TOR1AIP1: variants seen among roughly 807,000 people sequenced by gnomAD.
TOR1AIP1 encodes torsin 1A interacting protein 1.
A neutral mutation model predicts 63.3 loss-of-function variants in TOR1AIP1; 54 were observed. That is an observed-to-expected ratio of 0.85 (90% CI 0.69 to 1.07). The LOEUF is 1.07. TOR1AIP1 is among the 50% of genes least tolerant of loss of function. The probability of loss-of-function intolerance (pLI) is 0.00; values close to 1 mark genes in which losing one functional copy is unlikely to be tolerated. For synonymous variants in TOR1AIP1, 294 were observed against 273.5 expected, an observed-to-expected ratio of 1.07 and a Z score of -0.74; for missense variants, 736 against 715.0, an observed-to-expected ratio of 1.03 and a Z score of -0.33.
Position 179,914,031 on chromosome 1 carries a change from A to C in TOR1AIP1, c.941A>C (p.Gln314Pro). 1 of 1,614,002 alleles carries C rather than the reference A, an allele frequency of 6.2e-7. No homozygotes were observed. The highest frequency in any genetic ancestry group is 1.1e-5 in the South Asian group (1 of 91,048). The change falls in exon 9 of 10, where the codon CAG (glutamine) becomes CCG (proline). Residue 314 changes from glutamine to proline, a missense_variant. Coordinates refer to ENST00000606911, the MANE Select transcript of TOR1AIP1 (RefSeq NM_015602.4). ...DSILKSELGN[Q>P]SPSTSSRQVT... ...ATTCTGAAATCAGAGCTTGGAAACC[A>C]GTCACCATCAACCTCCAGCCGACGT...
chr1:179,913,635 AAT>A lies in TOR1AIP1; in HGVS notation c.908-360_908-359del, dbSNP rs1322162731. 4.0e-5 allele frequency: 28 copies of A among 702,364 alleles called. No individual in the cohort carries two copies. The African/African-American group carries it at 4.5e-4, about 11-fold the overall frequency. 43.5% of individuals were successfully genotyped at this position (702,364 alleles called of 1,614,324 possible). A position where few individuals can be genotyped will look rare whatever the true frequency, so the allele number is the denominator to read the frequency against. On this transcript the variant is annotated intron_variant, in intron 8 of 9. Coordinates refer to ENST00000606911, the MANE Select transcript of TOR1AIP1 (RefSeq NM_015602.4). Reference sequence around the variant, plus strand: ...TATATGGCAGTTTTTCAGATGGTATAATATGTTTCATTTTATTATGGTGTGCT... The same window carrying A: ...TATATGGCAGTTTTTCAGATGGTATAATGTTTCATTTTATTATGGTGTGCT...
At chr1:179,903,167 G>A (rs1558043590) in intron 5 of TOR1AIP1, among the ~76,000 whole-genome samples, 1 of 151,802 alleles carries the variant, frequency 6.6e-6, no homozygotes, top group Non-Finnish European at 1.5e-5. Context: ...ATGGTGATAG[G>A]TACCTATAGT....
At chr1:179,891,197 A>G (rs1040402530) in intron 3 of TOR1AIP1, among the ~76,000 whole-genome samples, 6 of 151,980 alleles carry the variant, frequency 3.9e-5, no homozygotes, top group East Asian at 1.9e-4. Flanking sequence ...CAACTTACCA[A>G]TTAAGGTTTT....
At chr1:179,885,542 A>T (rs910431106) in intron 2 of TOR1AIP1, among the ~76,000 whole-genome samples, 3 of 152,174 alleles carry the variant, frequency 2.0e-5, no homozygotes, top group Non-Finnish European at 4.4e-5. Context: ...TTTTTTTGAT[A>T]TTAGGAAAGT....
rs1649089407 is a variant in TOR1AIP1 at position 179,918,281 on chromosome 1, T to C, written c.*42T>C. The stretch of plus-strand genomic sequence containing the variant: ...AAAATCATGTCCCAAGTTCTGAGAA[T>C]TGTTCACACTTTCTAACCAGAGACA... On this transcript the variant is annotated 3_prime_UTR_variant, in exon 10 of 10. Coordinates refer to ENST00000606911, the MANE Select transcript of TOR1AIP1 (RefSeq NM_015602.4). 6.6e-7 allele frequency: 1 copy of C among 1,522,094 alleles called. No individual in the cohort carries two copies. The allele number at this position is 1,522,094 out of a possible 1,614,324, so 94.3% of individuals were successfully genotyped here. A position where few individuals can be genotyped will look rare whatever the true frequency, so the allele number is the denominator to read the frequency against.
rs766088874 is a variant in TOR1AIP1 at position 179,882,996 on chromosome 1, A to G, written c.475+19A>G. On this transcript the variant is annotated intron_variant, in intron 1 of 9. Coordinates refer to ENST00000606911, the MANE Select transcript of TOR1AIP1 (RefSeq NM_015602.4). ...TCTGAAGGTGAGGACCGCGGAGGTAACAGTCCCAGCCGCGAGCCAGGGAAC... is the reference window on the plus strand; with the variant it reads ...TCTGAAGGTGAGGACCGCGGAGGTAGCAGTCCCAGCCGCGAGCCAGGGAAC... The G allele has an allele frequency of 1.3e-6, 2 of 1,595,318 alleles. No individual in the cohort carries two copies. Among genetic ancestry groups the G allele is most frequent in the South Asian group, 2.2e-5 (2 of 89,542 alleles).
Position 179,908,685 on chromosome 1 carries a change from A to C in TOR1AIP1, c.907+12A>C. On this transcript the variant is annotated intron_variant, in intron 8 of 9. Transcript: ENST00000606911. ...GACCAGGATGCAAAGTAAGTAGATA[A>C]ATCTCTGTTATTGAAATAATCTTGT... 6.2e-7 allele frequency: 1 copy of C among 1,604,944 alleles called. No individual in the cohort carries two copies. Among genetic ancestry groups the C allele is most frequent in the Non-Finnish European group, 8.5e-7 (1 of 1,172,974 alleles).
In TOR1AIP1 at chr1:179,882,446, G is replaced by C. The variant is rs1647730842; in HGVS notation, c.-57G>C. The C allele has an allele frequency of 1.5e-6, 2 of 1,343,932 alleles. No homozygotes were observed. Among genetic ancestry groups the C allele is most frequent in the Non-Finnish European group, 9.6e-7 (1 of 1,040,376 alleles). The allele number at this position is 1,343,932 out of a possible 1,614,324, so 83.3% of individuals were successfully genotyped here. A position where few individuals can be genotyped will look rare whatever the true frequency, so the allele number is the denominator to read the frequency against. On this transcript the variant is annotated 5_prime_UTR_variant, in exon 1 of 10. Coordinates refer to ENST00000606911, the MANE Select transcript of TOR1AIP1 (RefSeq NM_015602.4). The stretch of plus-strand genomic sequence containing the variant: ...GAGAAGCCATCGCCACCACCGGCAG[G>C]AGAACCTAGGGTCCATAAAGCCATC...
rs1558045740 is a variant in TOR1AIP1 at position 179,909,381 on chromosome 1, GTTT to G, written c.907+712_907+714del. Among the ~76,000 whole-genome samples, 6 of 106,148 alleles carry G rather than the reference GTTT, an allele frequency of 5.7e-5. No homozygotes were observed. In the East Asian group the frequency reaches 1.8e-3, roughly 31 times the overall value. The allele number at this position is 106,148 out of a possible 152,430, so 69.6% of individuals were successfully genotyped here. A position where few individuals can be genotyped will look rare whatever the true frequency, so the allele number is the denominator to read the frequency against. ...TTTTCATGTTTAGGGTTTTTTTTCT[GTTT>G]TTTGTTTTGTTTTGTTTTGTTTTGT... On this transcript the variant is annotated intron_variant, in intron 8 of 9. Coordinates refer to ENST00000606911, the MANE Select transcript of TOR1AIP1 (RefSeq NM_015602.4).
intron 5 of TOR1AIP1, among the ~76,000 whole-genome samples, chr1:179,903,285 G>A (rs1451615324): frequency 6.6e-6 from 1 of 151,552 alleles, no homozygotes; most frequent in African/African-American, 2.4e-5. Flanking sequence ...AAGAAAGAAA[G>A]AAAAAGAGTA....
intron 3 of TOR1AIP1, 118 bp from the exon 4 acceptor site, chr1:179,900,008 C>T (rs1200396403): frequency 1.2e-5 from 8 of 690,098 alleles, no homozygotes; most frequent in African/African-American, 3.7e-5. Context: ...TTTTCCTAAA[C>T]GAGATGCTCT....
chr1:179,914,546 A>G (rs780138850), intron 9 of TOR1AIP1, among the ~76,000 whole-genome samples: 2 of 152,248 alleles, frequency 1.3e-5, no homozygotes, highest in African/African-American at 2.4e-5. Flanking sequence ...CTGTAATCTC[A>G]GCACTTTGGG....
In TOR1AIP1 at chr1:179,918,117, A is replaced by C. The variant is rs1321182764; in HGVS notation, c.1630A>C (p.Asn544His). The change falls in exon 10 of 10, where the codon AAC becomes CAC. Residue 544 changes from asparagine to histidine, a missense_variant. By Grantham distance (68) the Asn-to-His change is moderately conservative. This residue lies in a region of TOR1AIP1 where 272 missense variants were observed against 344.1 expected (regional missense o/e 0.79). Transcript: ENST00000606911. Reference sequence around the variant, plus strand: ...TCTTAAAGTCAAGTTCACCAATTCTAACACACCCAACTCCTACAATCATAT... The same window carrying C: ...TCTTAAAGTCAAGTTCACCAATTCTCACACACCCAACTCCTACAATCATAT... ...DFLKVKFTNSNTPNSYNHMDP... is the reference protein window; with the variant it reads ...DFLKVKFTNSHTPNSYNHMDP... 1 of 1,614,084 alleles carries C rather than the reference A, an allele frequency of 6.2e-7. No individual in the cohort carries two copies. The highest frequency in any genetic ancestry group is 1.7e-5 in the Admixed American group (1 of 60,028).
chr1:179,916,833 A>G (rs994414875), intron 9 of TOR1AIP1, among the ~76,000 whole-genome samples: 1 of 149,826 alleles, frequency 6.7e-6, no homozygotes, highest in African/African-American at 2.5e-5. Context: ...CCTCCCAAGT[A>G]GCTGGACTAC....
chr1:179,885,385 T>C lies in TOR1AIP1; in HGVS notation c.553+616T>C, dbSNP rs191631394. ...GATGTTAAAGTGTTTAAAAAAATTG[T>C]CAGAATCAATGTAACATGGAAGTAG... is the stretch of plus-strand genomic sequence containing the variant. On this transcript the variant is annotated intron_variant, in intron 2 of 9. Transcript: ENST00000606911. Among the ~76,000 whole-genome samples, 9 of 152,346 alleles carry C rather than the reference T, an allele frequency of 5.9e-5. No homozygotes were observed. In the East Asian group the frequency reaches 1.7e-3, roughly 29 times the overall value.
chr1:179,890,968 T>C (rs1447534355), intron 3 of TOR1AIP1, among the ~76,000 whole-genome samples: 1 of 152,192 alleles, frequency 6.6e-6, no homozygotes, highest in Admixed American at 6.5e-5. Context: ...ATTAATAGAA[T>C]ACAAGAGTAT....
At chr1:179,892,936 T>A (rs1648145581) in intron 3 of TOR1AIP1, among the ~76,000 whole-genome samples, 1 of 152,166 alleles carries the variant, frequency 6.6e-6, no homozygotes, top group East Asian at 1.9e-4. Flanking sequence ...AGTAATTTTC[T>A]GTGGGTTTAG....
intron 3 of TOR1AIP1, among the ~76,000 whole-genome samples, chr1:179,895,577 C>T (rs189871622): frequency 3.9e-5 from 6 of 152,284 alleles, no homozygotes; most frequent in Non-Finnish European, 5.9e-5. Flanking sequence ...CACTGCACTC[C>T]AGCCTAGGCG....
chr1:179,913,129 A>ATT (rs745903061), intron 8 of TOR1AIP1, among the ~76,000 whole-genome samples: 5 of 139,458 alleles, frequency 3.6e-5, no homozygotes, highest in Non-Finnish European at 3.1e-5. Context: ...CTTGTTTTTA[A>ATT]TTTTTTTTTT....
Sources: allele counts gnomAD v4.1 joint callset (sites outside exome capture counted in the v4.1 genomes callset), GRCh38; gene constraint gnomAD v4.1.1; regional missense constraint gnomAD v4.1.1; transcripts MANE v1.5; gene names NCBI Gene and HGNC (gene_info 2026-07-23, HGNC 2026-07-21).